The following DIAPH3 variants were observed in gnomAD, a reference collection of about 807,000 sequenced individuals.
DIAPH3 encodes protein diaphanous homolog 3.
A neutral mutation model predicts 144.3 loss-of-function variants in DIAPH3; 117 were observed. That is an observed-to-expected ratio of 0.81 (90% confidence interval 0.70 to 0.95). The LOEUF is 0.95. Ranked by LOEUF, DIAPH3 falls within the 40% of genes least tolerant of loss-of-function variation. The pLI, the probability that DIAPH3 is intolerant of heterozygous loss-of-function variation, is 0.00. For synonymous variants in DIAPH3, 519 were observed against 488.9 expected (o/e 1.06, Z -0.81); for missense variants, 1,421 against 1,412.7 (o/e 1.01, Z -0.09).
At chr13:60,107,928 G>A (rs113759652) in intron 3 of DIAPH3, among the ~76,000 whole-genome samples, 5 of 152,218 alleles carry the variant, frequency 3.3e-5, no homozygotes, top group South Asian at 2.1e-4. Flanking sequence ...TCTCTCAACC[G>A]ATAGTGAAAA....
chr13:59,816,888 T>C (rs979366117), intron 24 of DIAPH3, among the ~76,000 whole-genome samples: 10 of 152,050 alleles, frequency 6.6e-5, no homozygotes, highest in Non-Finnish European at 1.0e-4. Flanking sequence ...GGTATAAATT[T>C]ATACCATTTT....
Position 59,735,058 on chromosome 13 carries a change from T to C in DIAPH3, c.3319+39131A>G, listed in dbSNP as rs1456284868. On this transcript the variant is annotated intron_variant, in intron 27 of 27. Transcript: ENST00000400324. ...TCAGGTTATTCCAGATATGATGTCA[T>C]GTTTTAAATAGAATGTTTACAAAAT... Among the ~76,000 whole-genome samples the C allele has an allele frequency of 2.0e-5, 3 of 152,294 alleles. No individual in the cohort carries two copies. The East Asian group carries it at 5.8e-4, about 29-fold the overall frequency.
At chr13:59,848,384 C>T (rs183543895) in intron 22 of DIAPH3, among the ~76,000 whole-genome samples, 8,118 of 146,676 alleles carry the variant, frequency 0.055, 250 homozygotes, top group Admixed American at 0.1. Flanking sequence ...GTTACATATG[C>T]ATACATGTGC....
chr13:59,961,368 T>C (rs1478431011), intron 17 of DIAPH3, among the ~76,000 whole-genome samples: 1 of 152,224 alleles, frequency 6.6e-6, no homozygotes, highest in Non-Finnish European at 1.5e-5. Flanking sequence ...GAAACTACGC[T>C]GTAAAAGCCA....
chr13:59,827,738 A>G (rs1165048808), intron 24 of DIAPH3, among the ~76,000 whole-genome samples: 1 of 152,046 alleles, frequency 6.6e-6, no homozygotes, highest in Admixed American at 6.6e-5. Context: ...GAGAAAAAGC[A>G]ATTAGATCAA....
intron 27 of DIAPH3, among the ~76,000 whole-genome samples, chr13:59,674,933 A>G (rs2032560322): frequency 6.6e-6 from 1 of 152,248 alleles, no homozygotes; most frequent in Admixed American, 6.5e-5. Flanking sequence ...ATACCAGGTC[A>G]GAAGTAATTT....
In DIAPH3 at chr13:59,810,788, C is replaced by T. The variant is rs1376198416; in HGVS notation, c.3163G>A (p.Glu1055Lys). 6.2e-7 allele frequency: 1 copy of T among 1,613,102 alleles called. No homozygotes were observed. The highest frequency in any genetic ancestry group is 1.7e-5 in the Admixed American group (1 of 59,998). Residue 1055 changes from glutamate (E) to lysine (K), a missense_variant and splice_region_variant, in exon 25 of 28, where the codon GAG (glutamate) becomes AAG (lysine). By Grantham distance (56) the Glu-to-Lys change is moderately conservative. Transcript: ENST00000400324. ...KKKRLLEMKTEGDETGVMDNL... is the reference protein window; with the variant it reads ...KKKRLLEMKTKGDETGVMDNL... ...AAATAACAAATTTGATAGTACTCAC[C>T]AGTCTTCATTTCTAATAAACGCTTT...
At chr13:60,160,089 C>T (rs1467886058) in intron 1 of DIAPH3, among the ~76,000 whole-genome samples, 3 of 151,992 alleles carry the variant, frequency 2.0e-5, no homozygotes, top group South Asian at 2.1e-4. Context: ...CCGGGCGTTG[C>T]GGTGGGCACC....
intron 27 of DIAPH3, among the ~76,000 whole-genome samples, chr13:59,706,849 T>C (rs2034459327): frequency 6.6e-6 from 1 of 152,188 alleles, no homozygotes; most frequent in Non-Finnish European, 1.5e-5. Flanking sequence ...TTGTCTATAT[T>C]TGCATTTGTG....
At chr13:59,717,441 T>C (rs959351591) in intron 27 of DIAPH3, among the ~76,000 whole-genome samples, 16 of 152,118 alleles carry the variant, frequency 1.1e-4, no homozygotes, top group African/African-American at 3.9e-4. Context: ...TGTTGCTTCC[T>C]CTACTTTCAA....
At chr13:59,676,899 T>C (rs2032672201) in intron 27 of DIAPH3, among the ~76,000 whole-genome samples, 1 of 152,182 alleles carries the variant, frequency 6.6e-6, no homozygotes, top group Non-Finnish European at 1.5e-5. Context: ...TATGTATGAC[T>C]ATATACATAG....
intron 27 of DIAPH3, among the ~76,000 whole-genome samples, chr13:59,720,252 C>T (rs1313847240): frequency 2.6e-5 from 4 of 151,994 alleles, no homozygotes; most frequent in Admixed American, 1.3e-4. Context: ...TATTGGGCCA[C>T]CACTGTATAT....
At chr13:59,782,842 A>G (rs1284191193) in intron 25 of DIAPH3, among the ~76,000 whole-genome samples, 3 of 152,194 alleles carry the variant, frequency 2.0e-5, no homozygotes, top group Non-Finnish European at 4.4e-5. Context: ...AAAAGAGACA[A>G]GACCCAGCTA....
intron 4 of DIAPH3, among the ~76,000 whole-genome samples, chr13:60,069,177 C>A (rs936596796): frequency 6.6e-6 from 1 of 152,244 alleles, no homozygotes; most frequent in East Asian, 1.9e-4. Context: ...AACAGCCATT[C>A]CGACTGGTGT....
chr13:59,672,167 A>T (rs773402214), intron 27 of DIAPH3, among the ~76,000 whole-genome samples: 41 of 152,216 alleles, frequency 2.7e-4, no homozygotes, highest in Non-Finnish European at 4.9e-4. Context: ...GCCCTGGCGG[A>T]CGGCCCTTGG....
intron 22 of DIAPH3, among the ~76,000 whole-genome samples, chr13:59,859,222 T>C (rs929322738): frequency 3.3e-5 from 5 of 152,224 alleles, no homozygotes; most frequent in Middle Eastern, 6.8e-3. Flanking sequence ...AAAGATGAAG[T>C]TGGCTGCTCC....
intron 20 of DIAPH3, among the ~76,000 whole-genome samples, chr13:59,883,408 C>T (rs1395485513): frequency 6.6e-6 from 1 of 152,086 alleles, no homozygotes; most frequent in African/African-American, 2.4e-5. Flanking sequence ...TCCTACTATG[C>T]AGACTTAACA....
At chr13:59,984,331 T>G (rs1283344672) in intron 12 of DIAPH3, among the ~76,000 whole-genome samples, 1 of 151,758 alleles carries the variant, frequency 6.6e-6, no homozygotes, top group African/African-American at 2.4e-5. Context: ...GTTTTCCAAG[T>G]GTTTGTGAAA....
chr13:59,838,657 C>T (rs936795967), intron 23 of DIAPH3: 3 of 152,108 alleles, frequency 2.0e-5, no homozygotes, highest in South Asian at 2.1e-4. Flanking sequence ...GTATCTAAAT[C>T]ACATCATGAG....
Sources: allele counts gnomAD v4.1 joint callset (sites outside exome capture counted in the v4.1 genomes callset), GRCh38; gene constraint gnomAD v4.1.1; transcripts MANE v1.5; gene names NCBI Gene and HGNC (gene_info 2026-07-23, HGNC 2026-07-21).